Variants in HELZ observed in about 807,000 individuals in gnomAD.
HELZ encodes helicase with zinc finger.
Under a neutral mutation model 218.2 loss-of-function variants are expected in HELZ, and 23 were observed. The observed-to-expected ratio is 0.11, with a 90% CI of 0.08 to 0.15. HELZ has a LOEUF of 0.15. Among genes scored for constraint, HELZ ranks in the 10% least tolerant of loss-of-function variants. The pLI is 1.00. For synonymous variants in HELZ, 814 were observed against 829.4 expected (o/e 0.98, Z 0.32); for missense variants, 1,813 against 2,353.7 (o/e 0.77, Z 4.75).
At chr17:67,203,256 A>G in intron 6 of HELZ, 63 bp downstream of exon 6, 1 of 1,547,520 alleles carries the variant, frequency 6.5e-7, no homozygotes, top group Non-Finnish European at 8.8e-7. Context: ...TCCCCACAAT[A>G]TACCTAAGGA....
At chr17:67,222,359 G>A (rs1445866099) in intron 3 of HELZ, among the ~76,000 whole-genome samples, 1 of 152,190 alleles carries the variant, frequency 6.6e-6, no homozygotes, top group Non-Finnish European at 1.5e-5. Flanking sequence ...ATCTGGCTAT[G>A]AGGGATGATC....
At chr17:67,128,962 C>A (rs1163206022) in intron 23 of HELZ, 107 bp from the exon 24 acceptor site, 1 of 827,494 alleles carries the variant, frequency 1.2e-6, no homozygotes, top group African/African-American at 1.7e-5. Context: ...ACCTCAAATC[C>A]TTAAACCCAA....
At chr17:67,142,286 C>T (rs983545430) in intron 21 of HELZ, among the ~76,000 whole-genome samples, 15 of 151,718 alleles carry the variant, frequency 9.9e-5, no homozygotes, top group Non-Finnish European at 1.9e-4. Flanking sequence ...GGAGGTGGAT[C>T]GCTTGAGCCC....
chr17:67,112,728 G>A (rs1368767252), intron 28 of HELZ, among the ~76,000 whole-genome samples: 2 of 152,190 alleles, frequency 1.3e-5, no homozygotes, highest in African/African-American at 2.4e-5. Context: ...GGATTGCACT[G>A]GTTTATAGTA....
At chr17:67,078,611 G>A (rs770362742) in intron 32 of HELZ, 25 bp from the exon 33 acceptor site, 4 of 1,429,836 alleles carry the variant, frequency 2.8e-6, no homozygotes, top group Non-Finnish European at 9.3e-7. Flanking sequence ...CAGTGACACA[G>A]ATTTAAGGAT....
At chr17:67,143,028 T>A (rs569302760) in intron 21 of HELZ, among the ~76,000 whole-genome samples, 2 of 152,252 alleles carry the variant, frequency 1.3e-5, no homozygotes, top group East Asian at 3.9e-4. Flanking sequence ...CCTAATGTGC[T>A]GGGATTACAG....
chr17:67,116,312 CAAACTT>C (rs2037424762), intron 27 of HELZ, among the ~76,000 whole-genome samples: 1 of 151,816 alleles, frequency 6.6e-6, no homozygotes, highest in Admixed American at 6.6e-5. Flanking sequence ...ATGATAGAAT[CAAACTT>C]AACTGTATCA....
At chr17:67,079,001 A>G (rs1201673390) in intron 32 of HELZ, among the ~76,000 whole-genome samples, 1 of 152,228 alleles carries the variant, frequency 6.6e-6, no homozygotes, top group African/African-American at 2.4e-5. Flanking sequence ...TGAGCTAAGT[A>G]ATAGTGCCAT....
intron 3 of HELZ, chr17:67,224,874 G>A: frequency 1.2e-6 from 1 of 812,298 alleles, no homozygotes; most frequent in Non-Finnish European, 2.1e-6. Flanking sequence ...GCTATGGTGG[G>A]CAAACTAAGC....
chr17:67,094,356 A>G (rs1442862662), intron 31 of HELZ, among the ~76,000 whole-genome samples: 4 of 148,134 alleles, frequency 2.7e-5, no homozygotes, highest in African/African-American at 7.6e-5. Context: ...AGAGAGAGAT[A>G]CAGGCATACC....
chr17:67,177,004 G>C (rs1484558378), intron 13 of HELZ, among the ~76,000 whole-genome samples: 1 of 149,794 alleles, frequency 6.7e-6, no homozygotes, highest in Non-Finnish European at 1.5e-5. Flanking sequence ...TTTGAAACAG[G>C]GTCTCTCTTT....
intron 2 of HELZ, among the ~76,000 whole-genome samples, chr17:67,242,416 A>AAG: frequency 6.6e-6 from 1 of 150,422 alleles, no homozygotes; most frequent in Non-Finnish European, 1.5e-5. Flanking sequence ...CTGTCTCAAA[A>AAG]AAAAAAAAAA....
rs555723667 is a variant in HELZ, at chr17:67,222,798, G to A, written c.-18-3976C>T. ...TGCTAAAATGGACTATGGATAATAC[G>A]CAGTGAGAGATCTAGAAGTACTTCT... On this transcript the variant is annotated intron_variant, in intron 3 of 32. Transcript: ENST00000358691. Among the ~76,000 whole-genome samples the A allele has an allele frequency of 5.9e-5, 9 of 152,260 alleles. No individual in the cohort carries two copies. In the South Asian group the frequency reaches 1.2e-3, roughly 21 times the overall value.
At chr17:67,146,571 C>T (rs547568068) in intron 20 of HELZ, among the ~76,000 whole-genome samples, 1 of 152,240 alleles carries the variant, frequency 6.6e-6, no homozygotes, top group East Asian at 1.9e-4. Context: ...TACATGCAAA[C>T]ACAAAGACAT....
intron 22 of HELZ, 110 bp downstream of exon 22, chr17:67,137,821 G>T: frequency 1.3e-6 from 1 of 797,052 alleles, no homozygotes; most frequent in Non-Finnish European, 1.9e-6. Flanking sequence ...AACTTGATAT[G>T]AAATGAACAC....
chr17:67,229,826 G>A (rs1170477734), intron 3 of HELZ, among the ~76,000 whole-genome samples: 1 of 152,172 alleles, frequency 6.6e-6, no homozygotes, highest in Non-Finnish European at 1.5e-5. Context: ...TATTCAGCCA[G>A]ACTTGCATTT....
chr17:67,231,865 C>T (rs964372289), intron 3 of HELZ, among the ~76,000 whole-genome samples: 1 of 150,756 alleles, frequency 6.6e-6, no homozygotes, highest in Admixed American at 6.6e-5. Context: ...CCAGCCTGGC[C>T]GATATGGTGA....
intron 1 of HELZ, chr17:67,244,920 A>AG: frequency 2.0e-6 from 2 of 985,940 alleles, no homozygotes; most frequent in Non-Finnish European, 2.4e-6. Flanking sequence ...GCGGAGGGGA[A>AG]GGGGACTAAG....
rs138607305 is a variant in HELZ, at chr17:67,131,581, T to C, written c.3183-2726A>G. 1.3e-3 allele frequency among the ~76,000 whole-genome samples: 194 copies of C among 152,096 alleles called. 5 individuals carry two copies. The East Asian group carries it at 0.035, about 27-fold the overall frequency. ...TTTTTTTTTTTTGACACCATTGATATAGCAAAATGGTAAAGCACATGGATT... is the reference window on the plus strand; with the variant it reads ...TTTTTTTTTTTTGACACCATTGATACAGCAAAATGGTAAAGCACATGGATT... On this transcript the variant is annotated intron_variant, in intron 23 of 32. Coordinates refer to ENST00000358691, the MANE Select transcript of HELZ (RefSeq NM_014877.4).
Sources: gnomAD v4.1 joint callset for allele counts (sites outside exome capture counted in the v4.1 genomes callset) on GRCh38, gnomAD v4.1.1 for gene constraint, MANE v1.5 for transcripts, NCBI Gene and HGNC (gene_info 2026-07-23, HGNC 2026-07-21) for gene names.